The following PLEKHA7 variants were observed in gnomAD, a reference collection of about 807,000 sequenced individuals.
The protein encoded by PLEKHA7 is pleckstrin homology domain-containing family A member 7.
Under a neutral mutation model 170.0 loss-of-function variants are expected in PLEKHA7, and 104 were observed. The observed-to-expected ratio is 0.61, with a 90% CI of 0.52 to 0.72. The LOEUF (loss-of-function observed/expected upper bound fraction) is 0.72, where lower values mean the gene tolerates loss of function less well. Ranked by LOEUF, PLEKHA7 falls within the 30% of genes least tolerant of loss-of-function variation. The probability of loss-of-function intolerance (pLI) is 0.00; values close to 1 mark genes in which losing one functional copy is unlikely to be tolerated. For synonymous variants in PLEKHA7, 648 were observed against 660.8 expected, an observed-to-expected ratio of 0.98 and a Z score of 0.30; for missense variants, 1,615 against 1,671.7, an observed-to-expected ratio of 0.97 and a Z score of 0.59.
intron 4 of PLEKHA7, among the ~76,000 whole-genome samples, chr11:16,865,173 G>T (rs1394190991): frequency 1.3e-5 from 2 of 152,184 alleles, no homozygotes; most frequent in Non-Finnish European, 2.9e-5. Context: ...CCATCAATTT[G>T]TATTGAATGA....
At chr11:16,905,791 C>G (rs1857619802) in intron 3 of PLEKHA7, among the ~76,000 whole-genome samples, 1 of 152,210 alleles carries the variant, frequency 6.6e-6, no homozygotes, top group Non-Finnish European at 1.5e-5. Flanking sequence ...ATTAGTCTCA[C>G]GACCCCATCT....
intron 9 of PLEKHA7, among the ~76,000 whole-genome samples, chr11:16,829,736 C>T (rs1034727335): frequency 1.3e-5 from 2 of 152,184 alleles, no homozygotes; most frequent in African/African-American, 4.8e-5. Flanking sequence ...GATTGCACCA[C>T]TGTGCTCCAG....
intron 9 of PLEKHA7, among the ~76,000 whole-genome samples, chr11:16,836,796 CTT>C (rs376257161): frequency 1.5e-5 from 2 of 134,164 alleles, no homozygotes; most frequent in African/African-American, 5.8e-5. Flanking sequence ...GTTTCCTGGG[CTT>C]TTTTTTTTTG....
chr11:16,838,688 GTTTT>G (rs370460756), intron 9 of PLEKHA7, among the ~76,000 whole-genome samples: 82 of 113,662 alleles, frequency 7.2e-4, no homozygotes, highest in African/African-American at 2.2e-3. Flanking sequence ...GAAATACACA[GTTTT>G]CTTTTTTTTT....
At chr11:16,988,701 C>A (rs1008578506) in intron 3 of PLEKHA7, among the ~76,000 whole-genome samples, 1 of 152,254 alleles carries the variant, frequency 6.6e-6, no homozygotes, top group Non-Finnish European at 1.5e-5. Flanking sequence ...CCACCTCAGC[C>A]TCCCAAGGTG....
intron 3 of PLEKHA7, among the ~76,000 whole-genome samples, chr11:16,880,371 A>AGAT (rs1275563085): frequency 6.6e-6 from 1 of 152,228 alleles, no homozygotes; most frequent in Non-Finnish European, 1.5e-5. Context: ...TGTAAAGAAA[A>AGAT]GATTAATTCC....
intron 9 of PLEKHA7, among the ~76,000 whole-genome samples, chr11:16,829,846 GTTTCTTT>G (rs10559422): frequency 0.14 from 21,038 of 147,730 alleles, 1,722 homozygotes; most frequent in South Asian, 0.2. Flanking sequence ...CATATGACAG[GTTTCTTT>G]TTTCTTTTTT....
chr11:16,826,585 A>G lies in PLEKHA7; in HGVS notation c.878T>C (p.Met293Thr), dbSNP rs774411911. The G allele has an allele frequency of 6.2e-7, 1 of 1,611,648 alleles. No homozygotes were observed. Among genetic ancestry groups the G allele is most frequent in the Non-Finnish European group, 8.5e-7 (1 of 1,179,136 alleles). The change falls in exon 10 of 27, where the codon ATG becomes ACG. Residue 293 changes from methionine (M) to threonine (T), a missense_variant. Met to Thr is a moderately conservative substitution (Grantham distance 81, BLOSUM62 -1). Transcript: ENST00000531066. ...VLSRSSLKRD[M>T]EKVERQAVPQ... ...GACAGCCTGCCGCTCCACCTTCTCC[A>G]TATCCCTGCAATGACAGCAGCACAT...
intron 23 of PLEKHA7, chr11:16,788,825 C>T (rs1018630982): frequency 1.8e-4 from 96 of 543,454 alleles, no homozygotes; most frequent in Non-Finnish European, 2.5e-4. Context: ...TGCAAAGGCC[C>T]CTCTCCATCG....
chr11:16,978,393 T>C (rs1863201326), intron 3 of PLEKHA7, among the ~76,000 whole-genome samples: 1 of 151,968 alleles, frequency 6.6e-6, no homozygotes, highest in Non-Finnish European at 1.5e-5. Flanking sequence ...GTTACATGAG[T>C]AACAAGAGAG....
intron 9 of PLEKHA7, among the ~76,000 whole-genome samples, chr11:16,834,459 AG>A (rs1178868354): frequency 6.6e-6 from 1 of 152,220 alleles, no homozygotes; most frequent in African/African-American, 2.4e-5. Context: ...AGGCCCATGC[AG>A]GGTTTCCAAA....
chr11:16,809,734 GC>G (rs1849232319), intron 13 of PLEKHA7, among the ~76,000 whole-genome samples: 1 of 152,172 alleles, frequency 6.6e-6, no homozygotes, highest in Non-Finnish European at 1.5e-5. Flanking sequence ...ACCTGAGGTG[GC>G]CCTTTTAGAA....
intron 4 of PLEKHA7, among the ~76,000 whole-genome samples, chr11:16,865,513 T>G (rs1041193756): frequency 6.6e-6 from 1 of 152,102 alleles, no homozygotes; most frequent in African/African-American, 2.4e-5. Flanking sequence ...TGCTTGAGGC[T>G]AGAAGTTCAA....
At chr11:16,805,860 T>G (rs1848948514) in intron 13 of PLEKHA7, among the ~76,000 whole-genome samples, 1 of 150,942 alleles carries the variant, frequency 6.6e-6, no homozygotes, top group African/African-American at 2.4e-5. Flanking sequence ...AGGTTAGGAA[T>G]TCAAAGGACT....
At chr11:16,959,948 T>C (rs1351481377) in intron 3 of PLEKHA7, among the ~76,000 whole-genome samples, 7 of 152,136 alleles carry the variant, frequency 4.6e-5, no homozygotes, top group Middle Eastern at 3.4e-3. Flanking sequence ...GGCTGCAGGA[T>C]TGTCAGAGCT....
At chr11:16,897,168 C>T (rs1857046779) in intron 3 of PLEKHA7, among the ~76,000 whole-genome samples, 1 of 152,024 alleles carries the variant, frequency 6.6e-6, no homozygotes, top group Admixed American at 6.6e-5. Context: ...GTCTTTCGCC[C>T]AAGTTAAAAA....
chr11:16,942,106 AT>A (rs766211732), intron 3 of PLEKHA7, among the ~76,000 whole-genome samples: 19 of 152,194 alleles, frequency 1.2e-4, no homozygotes, highest in African/African-American at 4.1e-4. Context: ...TATGAAGCCC[AT>A]TTTACAGACG....
chr11:16,922,188 T>C (rs898463992), intron 3 of PLEKHA7, among the ~76,000 whole-genome samples: 5 of 72,480 alleles, frequency 6.9e-5, no homozygotes, highest in Non-Finnish European at 9.9e-5. Context: ...TCTTATTTTC[T>C]ACATTTAAAA....
intron 3 of PLEKHA7, among the ~76,000 whole-genome samples, chr11:16,938,178 A>G (rs1860439383): frequency 6.6e-6 from 1 of 152,166 alleles, no homozygotes; most frequent in African/African-American, 2.4e-5. Flanking sequence ...GCAAACACAA[A>G]TGTTCTAATA....
Sources: allele counts gnomAD v4.1 joint callset (sites outside exome capture counted in the v4.1 genomes callset), GRCh38; gene constraint gnomAD v4.1.1; transcripts MANE v1.5; gene names NCBI Gene and HGNC (gene_info 2026-07-23, HGNC 2026-07-21).